LARGE2: variants seen among roughly 807,000 people sequenced by gnomAD.
LARGE2 encodes xylosyl- and glucuronyltransferase LARGE2.
In LARGE2, 63 loss-of-function variants were observed where a neutral mutation model predicts 75.3. That is an observed-to-expected ratio of 0.84 (90% CI 0.68 to 1.03). LARGE2 has a LOEUF of 1.03. Ranked by LOEUF, LARGE2 falls within the 50% of genes least tolerant of loss-of-function variation. LARGE2 has a pLI of 0.00. For synonymous variants in LARGE2, 428 were observed against 420.1 expected (o/e 1.02, Z -0.23); for missense variants, 925 against 980.6 (o/e 0.94, Z 0.76).
chr11:45,926,013 G>C (rs749047143), intron 6 of LARGE2, 26 bp from the exon 7 acceptor site: 8 of 1,541,402 alleles, frequency 5.2e-6, no homozygotes, highest in Non-Finnish European at 7.0e-6. Flanking sequence ...TCCCAGGTGG[G>C]CATGACAGCA....
At chr11:45,927,173 G>C (rs1213163720) in intron 10 of LARGE2, 142 bp from the exon 11 acceptor site, 1 of 961,046 alleles carries the variant, frequency 1.0e-6, no homozygotes, top group Non-Finnish European at 1.5e-6. Flanking sequence ...GATTCAATCA[G>C]ACTGGCTCTA....
At chr11:45,923,392 G>A in intron 2 of LARGE2, 81 bp from the exon 3 acceptor site, 1 of 1,396,122 alleles carries the variant, frequency 7.2e-7, no homozygotes, top group Non-Finnish European at 1.0e-6. Context: ...GGGCTCTGCT[G>A]CGGGGTGGGG....
At position 45,924,629 on chromosome 11, in the gene LARGE2, T is replaced by C. The variant is rs1249600961; in HGVS notation, c.616T>C (p.Phe206Leu). ...RVIVLDTDVT[F>L]ASDISELWAL... ...CATTGTCCTGGACACGGATGTCACCTTCGCCTCTGACATCTCGGAGCTCTG... is the reference window on the plus strand; with the variant it reads ...CATTGTCCTGGACACGGATGTCACCCTCGCCTCTGACATCTCGGAGCTCTG... The change falls in exon 5 of 14, where the codon TTC (phenylalanine) becomes CTC (leucine). Residue 206 changes from phenylalanine (F) to leucine (L), a missense_variant. Physicochemically the swap from Phe to Leu is conservative, Grantham distance 22. This residue lies in a region of LARGE2 where 453 missense variants were observed against 460.2 expected (regional missense o/e 0.98). Coordinates refer to ENST00000401752, the MANE Select transcript of LARGE2 (RefSeq NM_001300721.2). 6.2e-7 allele frequency: 1 copy of C among 1,614,110 alleles called. No individual in the cohort carries two copies. The highest frequency in any genetic ancestry group is 2.2e-5 in the East Asian group (1 of 44,872).
chr11:45,923,929 T>C (rs1461540699), intron 3 of LARGE2, among the ~76,000 whole-genome samples: 3 of 127,580 alleles, frequency 2.4e-5, no homozygotes, highest in African/African-American at 9.1e-5. Flanking sequence ...GAGCTTGCAG[T>C]GAGCCGAGAT....
Position 45,929,085 on chromosome 11 carries a change from T to C in LARGE2, c.*240T>C, listed in dbSNP as rs1590830031. 3.4e-6 allele frequency: 2 copies of C among 584,226 alleles called. No individual in the cohort carries two copies. The highest frequency in any genetic ancestry group is 4.2e-5 in the South Asian group (2 of 47,086). The allele number at this position is 584,226 out of a possible 1,614,324, so 36.2% of individuals were successfully genotyped here. ...GTTTATCCCTTTTTCATAATTAAAG[T>C]TTTAAAACATCTTTTTTGTGTTCCT... On this transcript the variant is annotated 3_prime_UTR_variant, in exon 14 of 14. Coordinates refer to ENST00000401752, the MANE Select transcript of LARGE2 (RefSeq NM_001300721.2).
chr11:45,928,051 G>A lies in LARGE2; in HGVS notation c.1736G>A (p.Gly579Asp), dbSNP rs2087296559. ...KVELLALLDAGTLYTFRYHEW... is the reference protein window; with the variant it reads ...KVELLALLDADTLYTFRYHEW... ...GAGCTGTTGGCCTTGCTGGATGCGG[G>A]CACTCTCTACACCTTCAGGTAGGAG... The change falls in exon 12 of 14, where the codon GGC becomes GAC. Residue 579 changes from glycine (G) to aspartate (D), a missense_variant. Gly to Asp is a moderately conservative substitution (Grantham distance 94). Coordinates refer to ENST00000401752, the MANE Select transcript of LARGE2 (RefSeq NM_001300721.2). 5 of 1,613,804 alleles carry A rather than the reference G, an allele frequency of 3.1e-6. No homozygotes were observed. In the African/African-American group the frequency reaches 6.7e-5, roughly 22 times the overall value.
Position 45,928,629 on chromosome 11 carries a change from G to A in LARGE2, c.1951-1G>A. On this transcript the variant is annotated splice_acceptor_variant, in intron 13 of 13. Coordinates refer to ENST00000401752, the MANE Select transcript of LARGE2 (RefSeq NM_001300721.2). LOFTEE classifies it high-confidence loss of function. ...CACTGCTCCTCTGCCCCACCCTGCA[G>A]GAATATGAGCTCCTGGTGCTGCCCG... The A allele has an allele frequency of 2.5e-6, 4 of 1,612,828 alleles. No homozygotes were observed. The highest frequency in any genetic ancestry group is 3.4e-6 in the Non-Finnish European group (4 of 1,179,030).
chr11:45,924,364 A>G (rs1165944155), intron 4 of LARGE2, 87 bp downstream of exon 4: 25 of 1,578,584 alleles, frequency 1.6e-5, no homozygotes, highest in Non-Finnish European at 2.1e-5. Flanking sequence ...GAAGAGAATC[A>G]TCAGTCCCCC....
intron 6 of LARGE2, 127 bp from the exon 7 acceptor site, chr11:45,925,912 A>T: frequency 1.3e-6 from 1 of 761,608 alleles, no homozygotes; most frequent in South Asian, 1.9e-5. Flanking sequence ...AAAAACAAGT[A>T]GTCCATGATC....
chr11:45,926,632 C>A (rs1565094554), intron 9 of LARGE2, 35 bp downstream of exon 9: 1 of 1,613,490 alleles, frequency 6.2e-7, no homozygotes. Context: ...CCCCTCTCTG[C>A]TTTGGTGGGA....
At position 45,926,556 on chromosome 11, in the gene LARGE2, C is replaced by T. The variant is rs762045315; in HGVS notation, c.1123C>T (p.Leu375Phe). 2.0e-5 allele frequency: 32 copies of T among 1,614,084 alleles called. No individual in the cohort carries two copies. The South Asian group carries it at 3.3e-4, about 17-fold the overall frequency. Residue 375 changes from leucine to phenylalanine, a missense_variant, in exon 9 of 14, where the codon CTC (leucine) becomes TTC (phenylalanine). By Grantham distance (22) the Leu-to-Phe change is conservative. Transcript: ENST00000401752. ...EYDGNLLRRE[L>F]FVCPSQPPPG... ...CGATGGGAACCTGCTGCGGAGAGAG[C>T]TCTTTGTGTGCCCCAGCCAGCCCCC...
At chr11:45,922,351 T>G (rs912281633), upstream of LARGE2, among the ~76,000 whole-genome samples, 10 of 151,936 alleles carry the variant, frequency 6.6e-5, no homozygotes, top group African/African-American at 9.7e-5. Flanking sequence ...CCGGGGACAC[T>G]GGCCCCTCCC....
chr11:45,922,958 C>T lies in LARGE2; in HGVS notation c.76C>T (p.Leu26=), dbSNP rs2086976776. The T allele has an allele frequency of 3.8e-6, 5 of 1,306,266 alleles. No individual in the cohort carries two copies. The East Asian group carries it at 1.2e-4, about 33-fold the overall frequency. The allele number at this position is 1,306,266 out of a possible 1,614,324, so 80.9% of individuals were successfully genotyped here. The change falls in exon 2 of 14, where the codon CTG becomes TTG. Residue 26 remains leucine, a synonymous_variant. Transcript: ENST00000401752. ...GCTGCTGCTGCTGCTCGGATTCCTCCTGTTCGGTGGGGACCTGGGGTGTGA... is the reference window on the plus strand; with the variant it reads ...GCTGCTGCTGCTGCTCGGATTCCTCTTGTTCGGTGGGGACCTGGGGTGTGA... ...LLLLLLLGFL[L]FGGDLGCERR...
chr11:45,923,345 A>G, intron 2 of LARGE2, 128 bp from the exon 3 acceptor site: 2 of 1,111,942 alleles, frequency 1.8e-6, no homozygotes, highest in Admixed American at 2.4e-5. Flanking sequence ...TTTGAAATGA[A>G]GGGTTGGCTC....
At chr11:45,924,756 G>A in intron 5 of LARGE2, 29 bp from the exon 6 acceptor site, 2 of 1,521,578 alleles carry the variant, frequency 1.3e-6, no homozygotes, top group Non-Finnish European at 1.8e-6. Context: ...GGCAGCTTCA[G>A]ACAGCTCCCT....
chr11:45,924,172 C>T lies in LARGE2; in HGVS notation c.387C>T (p.Leu129=). ...MLFYRKNPLH[L]HLVTDAVARN... The stretch of plus-strand genomic sequence containing the variant: ...CCAAAAGGAAAAATCCACTGCACCT[C>T]CACTTGGTGACTGACGCCGTGGCCA... The change falls in exon 4 of 14, where the codon CTC becomes CTT. Residue 129 remains leucine (L), a synonymous_variant. Transcript: ENST00000401752. 1 of 1,612,208 alleles carries T rather than the reference C, an allele frequency of 6.2e-7. No individual in the cohort carries two copies. The highest frequency in any genetic ancestry group is 8.5e-7 in the Non-Finnish European group (1 of 1,179,972).
Position 45,923,095 on chromosome 11 carries a change from C to G in LARGE2, c.213C>G (p.Asp71Glu), listed in dbSNP as rs2086986223. The change falls in exon 2 of 14, where the codon GAC becomes GAG. Residue 71 changes from aspartate to glutamate, a missense_variant. Transcript: ENST00000401752. ...RLRRAAALDG[D>E]PGAGPGDHNR... The stretch of plus-strand genomic sequence containing the variant: ...GGAGAGCCGCCGCCCTCGACGGAGA[C>G]CCGGGGGCCGGCCCCGGGGACCACA... The G allele has an allele frequency of 7.1e-7, 1 of 1,404,264 alleles. No homozygotes were observed. 87.0% of individuals were successfully genotyped at this position (1,404,264 alleles called of 1,614,324 possible).
In LARGE2 at chr11:45,923,304, C is replaced by T. The variant is rs1193297391; in HGVS notation, c.285+137C>T. The T allele has an allele frequency of 4.5e-6, 5 of 1,111,594 alleles. No homozygotes were observed. The South Asian group carries it at 8.1e-5, about 18-fold the overall frequency. The allele number at this position is 1,111,594 out of a possible 1,614,324, so 68.9% of individuals were successfully genotyped here. On this transcript the variant is annotated intron_variant, in intron 2 of 13. Transcript: ENST00000401752. ...CCGGCTGGGGCGCACCTCGAACGTG[C>T]AGCTCCTCTGCTCCCGACCTCATTT... is the stretch of plus-strand genomic sequence containing the variant.
chr11:45,927,236 T>C, intron 10 of LARGE2, 79 bp from the exon 11 acceptor site: 1 of 1,493,924 alleles, frequency 6.7e-7, no homozygotes, highest in Non-Finnish European at 9.0e-7. Context: ...CAGCAGCAGC[T>C]AACTGGGGAG....
Sources: gnomAD v4.1 joint callset for allele counts (sites outside exome capture counted in the v4.1 genomes callset) on GRCh38, gnomAD v4.1.1 for gene constraint, gnomAD v4.1.1 regional missense constraint, MANE v1.5 for transcripts, NCBI Gene and HGNC (gene_info 2026-07-23, HGNC 2026-07-21) for gene names.